The following ANKRD44 variants were observed in gnomAD, a reference collection of about 807,000 sequenced individuals.
The protein encoded by ANKRD44 is serine/threonine-protein phosphatase 6 regulatory ankyrin repeat subunit B.
Under a neutral mutation model 116.0 loss-of-function variants are expected in ANKRD44, and 35 were observed. The observed-to-expected ratio is 0.30, with a 90% CI of 0.23 to 0.40. The LOEUF (loss-of-function observed/expected upper bound fraction) is 0.40, where lower values mean the gene tolerates loss of function less well. ANKRD44 is among the 10% of genes least tolerant of loss of function. ANKRD44 has a pLI of 1.00. For synonymous variants in ANKRD44, 435 were observed against 461.8 expected, an observed-to-expected ratio of 0.94 and a Z score of 0.74; for missense variants, 1,014 against 1,242.6, an observed-to-expected ratio of 0.82 and a Z score of 2.77.
At chr2:197,286,565 TG>T (rs1333096185) in intron 1 of ANKRD44, among the ~76,000 whole-genome samples, 1 of 151,748 alleles carries the variant, frequency 6.6e-6, no homozygotes, top group Non-Finnish European at 1.5e-5. Flanking sequence ...TTTGTAGAGA[TG>T]GGGGTCTCGC....
chr2:197,105,490 T>C (rs2078404698), intron 9 of ANKRD44, among the ~76,000 whole-genome samples: 1 of 152,222 alleles, frequency 6.6e-6, no homozygotes, highest in Non-Finnish European at 1.5e-5. Flanking sequence ...TTTACATATA[T>C]TCTTAAATAC....
At chr2:197,295,503 A>T (rs2083691906) in intron 1 of ANKRD44, among the ~76,000 whole-genome samples, 1 of 152,170 alleles carries the variant, frequency 6.6e-6, no homozygotes. Context: ...ACTTAATATA[A>T]AAACTATCCT....
intron 2 of ANKRD44, among the ~76,000 whole-genome samples, chr2:197,166,842 C>T (rs1416385642): frequency 2.0e-5 from 3 of 152,208 alleles, no homozygotes; most frequent in East Asian, 3.8e-4. Context: ...AATAACCTAT[C>T]GCTAGGCTAT....
chr2:196,969,041 C>T (rs538070927), intron 21 of ANKRD44, among the ~76,000 whole-genome samples: 11 of 152,116 alleles, frequency 7.2e-5, no homozygotes, highest in Non-Finnish European at 1.2e-4. Context: ...CATACATTCA[C>T]TTATTGAATC....
At position 196,995,265 on chromosome 2, in the gene ANKRD44, A is replaced by G. The variant is rs1423163539; in HGVS notation, c.2831+114T>C. The G allele has an allele frequency of 8.1e-6, 5 of 616,430 alleles. No individual in the cohort carries two copies. In the South Asian group the frequency reaches 1.0e-4, roughly 12 times the overall value. The allele number at this position is 616,430 out of a possible 1,614,324, so 38.2% of individuals were successfully genotyped here. A position where few individuals can be genotyped will look rare whatever the true frequency, so the allele number is the denominator to read the frequency against. ...TTCATGCAGGGGAAGCCAGGACTGC[A>G]TCTTTCACCACTGTGCTCCCCAGAG... On this transcript the variant is annotated intron_variant, in intron 26 of 27. Coordinates refer to ENST00000282272, the MANE Select transcript of ANKRD44 (RefSeq NM_001195144.2).
chr2:197,258,418 G>A (rs1012890125), intron 1 of ANKRD44, among the ~76,000 whole-genome samples: 3 of 151,822 alleles, frequency 2.0e-5, no homozygotes, highest in Non-Finnish European at 2.9e-5. Context: ...TCTTTACTAG[G>A]CCAGAATTTC....
At chr2:197,048,227 A>C (rs1394970530) in intron 16 of ANKRD44, among the ~76,000 whole-genome samples, 1 of 152,128 alleles carries the variant, frequency 6.6e-6, no homozygotes, top group East Asian at 1.9e-4. Context: ...TCTAGGGTAC[A>C]TGTGCACCAC....
chr2:197,097,832 T>C (rs2078197214), intron 10 of ANKRD44, among the ~76,000 whole-genome samples: 1 of 152,228 alleles, frequency 6.6e-6, no homozygotes, highest in Non-Finnish European at 1.5e-5. Flanking sequence ...AGCTTCCGAA[T>C]GACTCAGAGT....
chr2:196,999,125 T>A (rs2076067469), intron 23 of ANKRD44, 73 bp from the exon 24 acceptor site: 1 of 1,557,998 alleles, frequency 6.4e-7, no homozygotes. Flanking sequence ...CCAAGAAACA[T>A]GCACAAGGTG....
intron 16 of ANKRD44, among the ~76,000 whole-genome samples, chr2:197,031,165 CT>C (rs548249401): frequency 1.5e-3 from 214 of 142,214 alleles, no homozygotes; most frequent in East Asian, 2.8e-3. Flanking sequence ...ACACTATTTT[CT>C]TTTTTTTTTT....
chr2:197,278,404 T>A (rs1027569441), intron 1 of ANKRD44, among the ~76,000 whole-genome samples: 10 of 152,082 alleles, frequency 6.6e-5, no homozygotes, highest in African/African-American at 1.9e-4. Flanking sequence ...TCGCCCAGGC[T>A]GGAGTGCAGT....
rs754487787 is a variant in ANKRD44, at chr2:197,089,937, C to G, written c.1183+13G>C. 3.1e-6 allele frequency: 5 copies of G among 1,612,046 alleles called. No homozygotes were observed. The highest frequency in any genetic ancestry group is 4.2e-6 in the Non-Finnish European group (5 of 1,178,210). Reference sequence around the variant, plus strand: ...ACACATTAAGCCTCATCTCTGCTAACAGATTTACTTACCCGATGATAACAA... The same window carrying G: ...ACACATTAAGCCTCATCTCTGCTAAGAGATTTACTTACCCGATGATAACAA... On this transcript the variant is annotated intron_variant, in intron 11 of 27. Coordinates refer to ENST00000282272, the MANE Select transcript of ANKRD44 (RefSeq NM_001195144.2).
chr2:197,198,447 A>G (rs1236223035), intron 1 of ANKRD44, among the ~76,000 whole-genome samples: 1 of 152,166 alleles, frequency 6.6e-6, no homozygotes, highest in Non-Finnish European at 1.5e-5. Context: ...GGGATGGAGT[A>G]CCGCTCAGTT....
intron 16 of ANKRD44, among the ~76,000 whole-genome samples, chr2:197,075,273 T>A (rs1233248014): frequency 6.6e-6 from 1 of 152,156 alleles, no homozygotes. Context: ...AATAAACCAA[T>A]ATAAACTCAA....
chr2:197,243,964 C>T (rs2082139597), intron 1 of ANKRD44, among the ~76,000 whole-genome samples: 1 of 152,166 alleles, frequency 6.6e-6, no homozygotes, highest in Non-Finnish European at 1.5e-5. Flanking sequence ...GTTAAGAAAT[C>T]GTATAGTATT....
At chr2:197,234,748 G>C (rs1247436275) in intron 1 of ANKRD44, among the ~76,000 whole-genome samples, 1 of 152,082 alleles carries the variant, frequency 6.6e-6, no homozygotes. Flanking sequence ...GTTGCTAATA[G>C]ACTCCACTTT....
chr2:197,282,098 A>C (rs1398365252), intron 1 of ANKRD44, among the ~76,000 whole-genome samples: 1 of 152,082 alleles, frequency 6.6e-6, no homozygotes, highest in Non-Finnish European at 1.5e-5. Flanking sequence ...CTAAAAATAC[A>C]GAAAATTAAC....
intron 1 of ANKRD44, among the ~76,000 whole-genome samples, chr2:197,276,467 T>C (rs187490498): frequency 1.1e-4 from 17 of 152,104 alleles, no homozygotes; most frequent in Admixed American, 1.0e-3. Context: ...TTTTTTGCCC[T>C]TATTTCTAGG....
intron 2 of ANKRD44, among the ~76,000 whole-genome samples, chr2:197,181,329 G>A (rs1473873064): frequency 6.6e-6 from 1 of 151,350 alleles, no homozygotes; most frequent in East Asian, 1.9e-4. Flanking sequence ...AATGGAGGAT[G>A]CACTGGATAT....
Sources: gnomAD v4.1 joint callset for allele counts (sites outside exome capture counted in the v4.1 genomes callset) on GRCh38, gnomAD v4.1.1 for gene constraint, MANE v1.5 for transcripts, NCBI Gene and HGNC (gene_info 2026-07-23, HGNC 2026-07-21) for gene names.